The following ROBO1 variants were observed in gnomAD, a reference collection of about 807,000 sequenced individuals.
The protein encoded by ROBO1 is roundabout guidance receptor 1.
ROBO1 carries 149 observed loss-of-function variants against 195.9 expected under a neutral mutation model. The ratio of observed to expected loss-of-function variants is 0.76; its 90% CI spans 0.67 to 0.87. ROBO1 has a LOEUF of 0.87. Among genes scored for constraint, ROBO1 ranks in the 40% least tolerant of loss-of-function variants. ROBO1 has a pLI of 0.00. For synonymous variants in ROBO1, 816 were observed against 733.2 expected (o/e 1.11, Z -1.82); for missense variants, 1,933 against 2,068.3 (o/e 0.93, Z 1.27).
At chr3:79,593,990 C>T (rs1425558177) in intron 1 of ROBO1, among the ~76,000 whole-genome samples, 1 of 151,900 alleles carries the variant, frequency 6.6e-6, no homozygotes, top group African/African-American at 2.4e-5. Context: ...CAAATATTTT[C>T]TTCCAGTGTG....
intron 5 of ROBO1, among the ~76,000 whole-genome samples, chr3:78,718,785 AGG>A (rs2081964663): frequency 4.0e-5 from 2 of 50,610 alleles, no homozygotes; most frequent in South Asian, 1.6e-3. Flanking sequence ...TAAAGGAAGA[AGG>A]AAGGAAGGAA....
intron 2 of ROBO1, among the ~76,000 whole-genome samples, chr3:79,550,213 AAAG>A (rs1942453715): frequency 1.4e-5 from 2 of 144,778 alleles, no homozygotes; most frequent in African/African-American, 5.2e-5. Flanking sequence ...AAAGAAAAGA[AAAG>A]AAAAGAAAAG....
In ROBO1 at chr3:78,938,594, T is replaced by C; in HGVS notation, c.499+7A>G. The C allele has an allele frequency of 6.2e-7, 1 of 1,600,108 alleles. No homozygotes were observed. The highest frequency in any genetic ancestry group is 8.5e-7 in the Non-Finnish European group (1 of 1,170,330). The stretch of plus-strand genomic sequence containing the variant: ...TCTGCCAAACACAGAGCGCCCAGTT[T>C]ACTTACTGGCTACTTCCAGCGATGC... On this transcript the variant is annotated splice_region_variant and intron_variant, in intron 4 of 30. Transcript: ENST00000464233.
At chr3:78,853,517 T>C (rs1456110508) in intron 4 of ROBO1, among the ~76,000 whole-genome samples, 2 of 149,952 alleles carry the variant, frequency 1.3e-5, no homozygotes, top group Non-Finnish European at 3.0e-5. Flanking sequence ...ATGGTTAATT[T>C]TGTATGATCT....
intron 2 of ROBO1, among the ~76,000 whole-genome samples, chr3:79,318,934 G>A (rs143515984): frequency 6.6e-6 from 1 of 152,076 alleles, no homozygotes. Flanking sequence ...TGAATTATAT[G>A]CAAACTTACA....
At chr3:78,750,112 A>G (rs1271295301) in intron 4 of ROBO1, among the ~76,000 whole-genome samples, 1 of 152,170 alleles carries the variant, frequency 6.6e-6, no homozygotes, top group Non-Finnish European at 1.5e-5. Flanking sequence ...TAGAGGAAAC[A>G]TACATTTCAT....
At chr3:79,653,780 C>T (rs1354804263) in intron 1 of ROBO1, among the ~76,000 whole-genome samples, 1 of 151,896 alleles carries the variant, frequency 6.6e-6, no homozygotes, top group African/African-American at 2.4e-5. Context: ...TTATTTTCTG[C>T]TAATGTTGAC....
chr3:78,627,256 G>A (rs1389445635), intron 26 of ROBO1, 65 bp downstream of exon 26: 7 of 1,531,532 alleles, frequency 4.6e-6, no homozygotes, highest in African/African-American at 2.7e-5. Context: ...GATAGCATTT[G>A]GTAACTTCCA....
In ROBO1 at chr3:78,635,793, T is replaced by C; in HGVS notation, c.3353A>G (p.Glu1118Gly). ...EVAPVQYNIV[E>G]QNKLNKDYRA... ...TTCACCTTTGTTCAGCTTGTTTTGCTCCACGATGTTGTACTGAACTGGTGC... is the reference window on the plus strand; with the variant it reads ...TTCACCTTTGTTCAGCTTGTTTTGCCCCACGATGTTGTACTGAACTGGTGC... Residue 1118 changes from glutamate to glycine, a missense_variant, in exon 23 of 31, where the codon GAG becomes GGG. By Grantham distance (98) the Glu-to-Gly change is moderately conservative (BLOSUM62 -2). Transcript: ENST00000464233. The C allele has an allele frequency of 6.2e-7, 1 of 1,613,782 alleles. No homozygotes were observed. The highest frequency in any genetic ancestry group is 1.1e-5 in the South Asian group (1 of 91,080).
At chr3:78,994,014 T>C (rs1343150364) in intron 3 of ROBO1, among the ~76,000 whole-genome samples, 1 of 152,142 alleles carries the variant, frequency 6.6e-6, no homozygotes, top group Non-Finnish European at 1.5e-5. Context: ...ACTAGGATGT[T>C]ATAGTTCCCA....
chr3:79,270,383 G>C (rs958880770), intron 2 of ROBO1, among the ~76,000 whole-genome samples: 2 of 151,528 alleles, frequency 1.3e-5, no homozygotes, highest in African/African-American at 4.8e-5. Context: ...GGTATGCCTG[G>C]GGAAGAATGT....
chr3:79,415,364 T>C (rs1302647307), intron 2 of ROBO1, among the ~76,000 whole-genome samples: 2 of 152,098 alleles, frequency 1.3e-5, no homozygotes, highest in African/African-American at 4.8e-5. Flanking sequence ...AAGAGAAGAT[T>C]TCCAGACATT....
intron 4 of ROBO1, among the ~76,000 whole-genome samples, chr3:78,898,429 C>G (rs1576365544): frequency 4.9e-5 from 7 of 144,114 alleles, no homozygotes; most frequent in Admixed American, 3.5e-4. Context: ...GCTCTGTCGC[C>G]CAGGCTGGAG....
chr3:79,280,023 C>T (rs2031383950), intron 2 of ROBO1, among the ~76,000 whole-genome samples: 1 of 152,128 alleles, frequency 6.6e-6, no homozygotes, highest in Non-Finnish European at 1.5e-5. Flanking sequence ...CAAACTATCA[C>T]TCATATATGA....
At chr3:79,018,313 G>T in intron 3 of ROBO1, 2 of 1,449,242 alleles carry the variant, frequency 1.4e-6, no homozygotes, top group Non-Finnish European at 9.6e-7. Flanking sequence ...TAGGAGGGAG[G>T]GGTAACCAAA....
intron 3 of ROBO1, among the ~76,000 whole-genome samples, chr3:79,030,141 C>T (rs1250303309): frequency 6.6e-6 from 1 of 152,188 alleles, no homozygotes; most frequent in East Asian, 1.9e-4. Flanking sequence ...CTAATGGAAA[C>T]CGGCAATTGC....
At chr3:78,711,394 C>CTTTCTTTCTTTCTTT (rs1491495795) in intron 8 of ROBO1, among the ~76,000 whole-genome samples, 6 of 36,366 alleles carry the variant, frequency 1.6e-4, no homozygotes, top group African/African-American at 4.2e-4. Flanking sequence ...TTCCTTCCTT[C>CTTTCTTTCTTTCTTT]CTTCCTTTCT....
intron 2 of ROBO1, among the ~76,000 whole-genome samples, chr3:79,437,688 G>C (rs2038932257): frequency 6.6e-6 from 1 of 151,972 alleles, no homozygotes; most frequent in Admixed American, 6.6e-5. Context: ...TGTGTATAGA[G>C]TGCAATGACA....
chr3:79,359,225 A>G (rs1454832278), intron 2 of ROBO1, among the ~76,000 whole-genome samples: 1 of 152,052 alleles, frequency 6.6e-6, no homozygotes, highest in Non-Finnish European at 1.5e-5. Context: ...TAACAATATA[A>G]TGATGAAACA....
Sources: allele counts gnomAD v4.1 joint callset (sites outside exome capture counted in the v4.1 genomes callset), GRCh38; gene constraint gnomAD v4.1.1; transcripts MANE v1.5; gene names NCBI Gene and HGNC (gene_info 2026-07-23, HGNC 2026-07-21).